The following NRAP variants were observed in gnomAD, a reference collection of about 807,000 sequenced individuals.
NRAP encodes the protein nebulin related anchoring protein.
Under a neutral mutation model 225.9 loss-of-function variants are expected in NRAP, and 189 were observed. That is an observed-to-expected ratio of 0.84 (90% CI 0.74 to 0.94). The LOEUF is 0.94. NRAP is among the 40% of genes least tolerant of loss of function. The pLI, the probability that NRAP is intolerant of heterozygous loss-of-function variation, is 0.00. For synonymous variants in NRAP, 769 were observed against 790.7 expected (o/e 0.97, Z 0.46); for missense variants, 2,176 against 2,168.7 (o/e 1.00, Z -0.07).
intron 11 of NRAP, among the ~76,000 whole-genome samples, chr10:113,644,332 G>T (rs559308288): frequency 3.3e-5 from 5 of 152,108 alleles, no homozygotes; most frequent in African/African-American, 1.2e-4. Flanking sequence ...TCCCATCTAG[G>T]TCTAGTGTTC....
At position 113,597,978 on chromosome 10, in the gene NRAP, G is replaced by T. The variant is rs777081146; in HGVS notation, c.4323C>A (p.Leu1441=). 8.7e-6 allele frequency: 14 copies of T among 1,610,076 alleles called. No homozygotes were observed. The East Asian group carries it at 2.9e-4, about 33-fold the overall frequency. The change falls in exon 36 of 42, where the codon CTC becomes CTA. Residue 1441 remains leucine (L), a synonymous_variant. Coordinates refer to ENST00000359988, the MANE Select transcript of NRAP (RefSeq NM_198060.4). The stretch of plus-strand genomic sequence containing the variant: ...GACAGGTTGATGGTACCTCGCTGAT[G>T]AGTTCTCCAGCCTTCTTTGCACTCT... ...QMESAKKAGE[L]ISETKYRKKP...
chr10:113,602,233 T>C (rs1288347104), intron 35 of NRAP, among the ~76,000 whole-genome samples: 1 of 152,222 alleles, frequency 6.6e-6, no homozygotes, highest in African/African-American at 2.4e-5. Flanking sequence ...TGACTGCTCA[T>C]GGACACACAG....
intron 4 of NRAP, among the ~76,000 whole-genome samples, chr10:113,656,769 G>T (rs1332564327): frequency 6.6e-6 from 1 of 152,268 alleles, no homozygotes; most frequent in East Asian, 1.9e-4. Flanking sequence ...GAAAGATATG[G>T]TTTTATTTGC....
rs141888164 is a variant in NRAP at position 113,620,303 on chromosome 10, A to T, written c.2874+301T>A. Among the ~76,000 whole-genome samples the T allele has an allele frequency of 6.7e-3, 1,016 of 152,292 alleles. 11 individuals carry two copies. Among genetic ancestry groups the T allele is most frequent in the African/African-American group, 0.023 (967 of 41,560 alleles). On this transcript the variant is annotated intron_variant, in intron 25 of 41. Transcript: ENST00000359988. Reference sequence around the variant, plus strand: ...TTGGGTGCCATAAATGTATCTTTTCATCATCTCTCCTGTGTTGCTTCATTA... The same window carrying T: ...TTGGGTGCCATAAATGTATCTTTTCTTCATCTCTCCTGTGTTGCTTCATTA...
chr10:113,598,178 CACA>C (rs1169133295), intron 35 of NRAP, 105 bp from the exon 36 acceptor site: 2 of 760,468 alleles, frequency 2.6e-6, no homozygotes, highest in East Asian at 2.5e-5. Context: ...AATGCTTCAT[CACA>C]ACATTTCAAC....
intron 34 of NRAP, among the ~76,000 whole-genome samples, chr10:113,605,502 C>T (rs978143497): frequency 2.0e-5 from 3 of 152,222 alleles, no homozygotes; most frequent in African/African-American, 7.2e-5. Flanking sequence ...ACAAGGGGAC[C>T]GTCGCCTAGA....
rs202167083 is a variant in NRAP, at chr10:113,663,825, T to C, written c.58A>G (p.Ser20Gly). 1.9e-6 allele frequency: 3 copies of C among 1,613,368 alleles called. No individual in the cohort carries two copies. The highest frequency in any genetic ancestry group is 4.5e-5 in the East Asian group (2 of 44,884). The change falls in exon 1 of 42, where the codon AGC becomes GGC. Residue 20 changes from serine (S) to glycine (G), a missense_variant. By Grantham distance (56) the Ser-to-Gly change is moderately conservative. Around this residue, in one of 3 missense-constraint regions of NRAP, gnomAD observed 1,708 missense variants for 1,695.5 expected, o/e 1.01. Transcript: ENST00000359988. ...GYGVYPAEKI[S>G]CIDQIWHKAC... ...TGTCTACTGACCTGATCTATACAGC[T>C]GATCTTCTCGGCAGGATAAACCCCA...
At chr10:113,606,101 C>T (rs1163850599) in intron 33 of NRAP, 77 bp downstream of exon 33, 4 of 1,081,128 alleles carry the variant, frequency 3.7e-6, no homozygotes, top group African/African-American at 3.1e-5. Context: ...CCAGAAAGGT[C>T]AGTGTTGGGT....
intron 3 of NRAP, among the ~76,000 whole-genome samples, chr10:113,659,405 C>T (rs1438762764): frequency 2.0e-5 from 3 of 152,154 alleles, no homozygotes; most frequent in Non-Finnish European, 4.4e-5. Flanking sequence ...AACTGCCCTC[C>T]TTGAGAACAA....
chr10:113,652,423 C>T (rs1034128875), intron 6 of NRAP, among the ~76,000 whole-genome samples: 9 of 151,970 alleles, frequency 5.9e-5, no homozygotes, highest in Non-Finnish European at 1.2e-4. Context: ...GGGTGGATCA[C>T]AGGGTCAAGA....
At chr10:113,656,990 C>T (rs1850347036) in intron 4 of NRAP, among the ~76,000 whole-genome samples, 1 of 152,094 alleles carries the variant, frequency 6.6e-6, no homozygotes. Context: ...AATGATGAGT[C>T]TGTCAACAGA....
rs1323346169 is a variant in NRAP at position 113,589,676 on chromosome 10, T to C, written c.5078A>G (p.Gln1693Arg). Residue 1693 changes from glutamine (Q) to arginine (R), a missense_variant, in exon 41 of 42, where the codon CAG becomes CGG. Physicochemically the swap from Gln to Arg is conservative, Grantham distance 43 (BLOSUM62 1). Transcript: ENST00000359988. The stretch of plus-strand genomic sequence containing the variant: ...CAGCTTGCTACTCACGTAAGCTCCC[T>C]GGAGACCCAGGCCCCTTGCGTTGGC... Reference protein sequence around the residue: ...ELANARGLGLQGAYRGAEAVE... With the variant: ...ELANARGLGLRGAYRGAEAVE... The C allele has an allele frequency of 6.2e-7, 1 of 1,614,076 alleles. No homozygotes were observed. The highest frequency in any genetic ancestry group is 2.2e-5 in the East Asian group (1 of 44,880).
intron 2 of NRAP, among the ~76,000 whole-genome samples, chr10:113,663,047 A>G (rs2134232236): frequency 6.6e-6 from 1 of 152,378 alleles, no homozygotes; most frequent in East Asian, 1.9e-4. Context: ...ATTATTTAAA[A>G]GAAAATACTT....
intron 40 of NRAP, 57 bp from the exon 41 acceptor site, chr10:113,589,854 C>G: frequency 6.3e-7 from 1 of 1,579,704 alleles, no homozygotes; most frequent in Non-Finnish European, 8.6e-7. Flanking sequence ...AGCGGTTTGA[C>G]CATTAAGTAA....
intron 18 of NRAP, among the ~76,000 whole-genome samples, chr10:113,630,163 C>G (rs1848502039): frequency 6.6e-6 from 1 of 152,218 alleles, no homozygotes; most frequent in South Asian, 2.1e-4. Flanking sequence ...AGGGTGACCT[C>G]TGGAAAGTTA....
intron 8 of NRAP, 115 bp from the exon 9 acceptor site, chr10:113,650,256 G>A (rs1191596675): frequency 5.0e-6 from 4 of 802,654 alleles, no homozygotes; most frequent in Non-Finnish European, 8.5e-6. Context: ...CTAGGGAGTA[G>A]GTATGTCTCA....
In NRAP at chr10:113,653,194, T is replaced by C. The variant is rs368574660; in HGVS notation, c.466-155A>G. On this transcript the variant is annotated intron_variant, in intron 5 of 41. Coordinates refer to ENST00000359988, the MANE Select transcript of NRAP (RefSeq NM_198060.4). ...TTTAAAAATGGCTTATAATTGACCATTTGAATAAAACCATCAGCACTGAAG... is the reference window on the plus strand; with the variant it reads ...TTTAAAAATGGCTTATAATTGACCACTTGAATAAAACCATCAGCACTGAAG... 1.1e-4 allele frequency among the ~76,000 whole-genome samples: 16 copies of C among 152,346 alleles called. No homozygotes were observed. In the East Asian group the frequency reaches 2.3e-3, roughly 22 times the overall value.
At chr10:113,604,408 C>T (rs142842237) in intron 35 of NRAP, among the ~76,000 whole-genome samples, 178 of 152,332 alleles carry the variant, frequency 1.2e-3, no homozygotes, top group Non-Finnish European at 2.2e-3. Context: ...AGCCACTGTG[C>T]TAGCCCTCAA....
chr10:113,631,670 T>A, intron 17 of NRAP, 60 bp from the exon 18 acceptor site: 1 of 1,170,422 alleles, frequency 8.5e-7, no homozygotes, highest in Non-Finnish European at 1.3e-6. Context: ...TCTAAGGGGC[T>A]CTGGTTTTAA....
Sources: gnomAD v4.1 joint callset for allele counts (sites outside exome capture counted in the v4.1 genomes callset) on GRCh38, gnomAD v4.1.1 for gene constraint, gnomAD v4.1.1 regional missense constraint, MANE v1.5 for transcripts, NCBI Gene and HGNC (gene_info 2026-07-23, HGNC 2026-07-21) for gene names.